The following SIPA1L1 variants were observed in gnomAD, a reference collection of about 807,000 sequenced individuals.
SIPA1L1 encodes the protein signal-induced proliferation-associated 1-like protein 1.
SIPA1L1 carries 26 observed loss-of-function variants against 162.7 expected under a neutral mutation model. That is an observed-to-expected ratio of 0.16 (90% confidence interval 0.12 to 0.22). The LOEUF is 0.22. Among genes scored for constraint, SIPA1L1 ranks in the 10% least tolerant of loss-of-function variants. The pLI, the probability that SIPA1L1 is intolerant of heterozygous loss-of-function variation, is 1.00. For missense variants in SIPA1L1, 1,874 were observed against 2,241.0 expected (o/e 0.84, Z 3.31); for synonymous variants, 829 against 837.4 (o/e 0.99, Z 0.17).
chr14:71,579,273 A>G (rs1314639882), intron 4 of SIPA1L1, among the ~76,000 whole-genome samples: 7 of 152,068 alleles, frequency 4.6e-5, no homozygotes, highest in Middle Eastern at 6.3e-3. Flanking sequence ...CATTCATGAC[A>G]TTCCTTACTT....
chr14:71,650,819 G>A (rs779916548), intron 8 of SIPA1L1, among the ~76,000 whole-genome samples: 14 of 152,136 alleles, frequency 9.2e-5, no homozygotes, highest in Non-Finnish European at 1.9e-4. Flanking sequence ...CCAAATGTTA[G>A]GGTGATTAAA....
chr14:71,456,953 A>G (rs1249166014), intron 2 of SIPA1L1, among the ~76,000 whole-genome samples: 1 of 152,208 alleles, frequency 6.6e-6, no homozygotes, highest in Non-Finnish European at 1.5e-5. Context: ...TTATTTATTT[A>G]TTTTTAAAAT....
intron 2 of SIPA1L1, among the ~76,000 whole-genome samples, chr14:71,470,810 CAG>C (rs1323819561): frequency 3.9e-5 from 6 of 152,102 alleles, no homozygotes; most frequent in South Asian, 2.1e-4. Flanking sequence ...CCAGAGGACT[CAG>C]AGTTTTTTTT....
chr14:71,704,969 C>T (rs2149895207), intron 15 of SIPA1L1: 1 of 623,564 alleles, frequency 1.6e-6, no homozygotes. Flanking sequence ...TGTTCATGGC[C>T]TTTGGTTTGG....
intron 17 of SIPA1L1, among the ~76,000 whole-genome samples, chr14:71,717,632 TA>T (rs1296809494): frequency 6.6e-6 from 1 of 152,164 alleles, no homozygotes; most frequent in Non-Finnish European, 1.5e-5. Flanking sequence ...CAGCTCCCCT[TA>T]AAAATTATGA....
At chr14:71,481,402 C>G (rs1017147250) in intron 2 of SIPA1L1, among the ~76,000 whole-genome samples, 2 of 152,108 alleles carry the variant, frequency 1.3e-5, no homozygotes, top group Admixed American at 1.3e-4. Flanking sequence ...TGGCTTCAGC[C>G]TGGGAGGCAG....
chr14:71,650,248 C>A, intron 7 of SIPA1L1, 87 bp from the exon 8 acceptor site: 2 of 1,308,230 alleles, frequency 1.5e-6, no homozygotes, highest in Non-Finnish European at 2.2e-6. Flanking sequence ...ATTTTCTGGG[C>A]ATGTGCCCTA....
At chr14:71,361,895 G>GTC (rs1427060615) in intron 2 of SIPA1L1, among the ~76,000 whole-genome samples, 2 of 152,214 alleles carry the variant, frequency 1.3e-5, no homozygotes, top group Non-Finnish European at 1.5e-5. Context: ...TGTACTAGTG[G>GTC]TCTTTTCTCA....
intron 7 of SIPA1L1, among the ~76,000 whole-genome samples, chr14:71,648,663 A>G (rs1336143294): frequency 1.3e-5 from 2 of 152,244 alleles, no homozygotes; most frequent in African/African-American, 2.4e-5. Flanking sequence ...GGAAACATGA[A>G]TATTCACACA....
At chr14:71,361,585 A>G (rs890904725) in intron 2 of SIPA1L1, among the ~76,000 whole-genome samples, 5 of 152,174 alleles carry the variant, frequency 3.3e-5, no homozygotes, top group Admixed American at 1.3e-4. Context: ...CTTGCTGTGC[A>G]GTCACTGGTG....
intron 12 of SIPA1L1, among the ~76,000 whole-genome samples, chr14:71,675,941 A>G (rs2045122030): frequency 6.6e-6 from 1 of 152,092 alleles, no homozygotes; most frequent in Non-Finnish European, 1.5e-5. Context: ...GCAGCTTTTA[A>G]AATATATATA....
At chr14:71,404,628 G>T (rs546232622) in intron 2 of SIPA1L1, among the ~76,000 whole-genome samples, 101 of 152,162 alleles carry the variant, frequency 6.6e-4, no homozygotes, top group African/African-American at 2.3e-3. Flanking sequence ...CATTTTTATT[G>T]TAAGTTTCAG....
chr14:71,489,235 C>T (rs1234974257), intron 2 of SIPA1L1, among the ~76,000 whole-genome samples: 2 of 152,130 alleles, frequency 1.3e-5, no homozygotes, highest in Non-Finnish European at 1.5e-5. Flanking sequence ...ATCTGATAGG[C>T]TATCTCTTAT....
chr14:71,704,744 G>C (rs781092949), intron 15 of SIPA1L1: 1 of 1,613,116 alleles, frequency 6.2e-7, no homozygotes. Context: ...AGGACCTCAG[G>C]ATTTCAATTC....
In SIPA1L1 at chr14:71,588,184, T is replaced by G. The variant is rs1317886448; in HGVS notation, c.312T>G (p.Ser104Arg). Residue 104 changes from serine to arginine, a missense_variant, in exon 5 of 24, where the codon AGT (serine) becomes AGG (arginine). Coordinates refer to ENST00000381232, the MANE Select transcript of SIPA1L1 (RefSeq NM_001386936.1). The surrounding 1 kb of genome is among the most constrained non-coding windows in gnomAD (Gnocchi z 4.3). ...CAAGCCAGGAAATAGAAACCTCAAGTTGCCTTGATAGCCTGTCCTCCAAAA... is the reference window on the plus strand; with the variant it reads ...CAAGCCAGGAAATAGAAACCTCAAGGTGCCTTGATAGCCTGTCCTCCAAAA... Reference protein sequence around the residue: ...SRSSQEIETSSCLDSLSSKSS... With the variant: ...SRSSQEIETSRCLDSLSSKSS... 1 of 1,614,034 alleles carries G rather than the reference T, an allele frequency of 6.2e-7. No individual in the cohort carries two copies.
intron 20 of SIPA1L1, 67 bp from the exon 21 acceptor site, chr14:71,733,599 A>C: frequency 1.3e-6 from 2 of 1,491,668 alleles, no homozygotes; most frequent in African/African-American, 1.4e-5. Flanking sequence ...GTAACAGGAA[A>C]GAGGTAAGTT....
Position 71,627,131 on chromosome 14 carries a change from CTTTTTTTTTTTTTTTTTTTTTTTTTTTT to C in SIPA1L1, c.1818+2911_1818+2938del, listed in dbSNP as rs71105788. Reference sequence around the variant, plus strand: ...TGATGCCTTTCTGGGACTTTCACTACTTTTTTTTTTTTTTTTTTTTTTTTTTTTTTTTTTTTTTTTTTTGAGACAGGGT... The same window carrying C: ...TGATGCCTTTCTGGGACTTTCACTACTTTTTTTTTTTTTTTGAGACAGGGT... On this transcript the variant is annotated intron_variant, in intron 7 of 23. Transcript: ENST00000381232. 7.8e-4 allele frequency among the ~76,000 whole-genome samples: 38 copies of C among 48,788 alleles called. No homozygotes were observed. The South Asian group carries it at 0.028, about 35-fold the overall frequency. The allele number at this position is 48,788 out of a possible 152,430, so 32.0% of individuals were successfully genotyped here.
chr14:71,598,578 A>C (rs1258722604), intron 5 of SIPA1L1, among the ~76,000 whole-genome samples: 3 of 152,258 alleles, frequency 2.0e-5, no homozygotes, highest in Non-Finnish European at 4.4e-5. Context: ...AGGTCATGGA[A>C]GACAAGTAGA....
intron 2 of SIPA1L1, among the ~76,000 whole-genome samples, chr14:71,420,577 A>G (rs1379026636): frequency 1.3e-5 from 2 of 152,340 alleles, no homozygotes; most frequent in East Asian, 1.9e-4. Context: ...AGAAGTAACT[A>G]TCTCTGCTAT....
Sources: allele counts gnomAD v4.1 joint callset (sites outside exome capture counted in the v4.1 genomes callset), GRCh38; gene constraint gnomAD v4.1.1; non-coding constraint Gnocchi (gnomAD v3.1); transcripts MANE v1.5; gene names NCBI Gene and HGNC (gene_info 2026-07-23, HGNC 2026-07-21).